The following PCDHA11 variants were observed in gnomAD, a reference collection of about 807,000 sequenced individuals.
The protein encoded by PCDHA11 is protocadherin alpha 11.
A neutral mutation model predicts 70.3 loss-of-function variants in PCDHA11; 61 were observed. The observed-to-expected ratio is 0.87, with a 90% confidence interval of 0.71 to 1.07. The LOEUF is 1.07. Ranked by LOEUF, PCDHA11 falls within the 50% of genes least tolerant of loss-of-function variation. PCDHA11 has a pLI of 0.00. For missense variants in PCDHA11, 1,324 were observed against 1,237.5 expected, an observed-to-expected ratio of 1.07 and a Z score of -1.05; for synonymous variants, 633 against 555.1, an observed-to-expected ratio of 1.14 and a Z score of -1.97.
Position 140,969,340 on chromosome 5 carries a change from G to A in PCDHA11, c.2392-9609G>A, listed in dbSNP as rs1262555926. 6 of 1,613,738 alleles carry A rather than the reference G, an allele frequency of 3.7e-6. No homozygotes were observed. The African/African-American group carries it at 5.3e-5, about 14-fold the overall frequency. On this transcript the variant is annotated intron_variant, in intron 1 of 3. Coordinates refer to ENST00000398640, the MANE Select transcript of PCDHA11 (RefSeq NM_018902.5). The stretch of plus-strand genomic sequence containing the variant: ...CTGTTTCTCAAAATGAGGTGAGACA[G>A]TGGTCAGGGGGTCTTCTACAAACTC...
At chr5:140,884,373 T>C (rs1554181483) in intron 1 of PCDHA11, 2 of 1,613,958 alleles carry the variant, frequency 1.2e-6, no homozygotes, top group South Asian at 2.2e-5. Context: ...TACTTGATCA[T>C]TGCCATCTGC....
chr5:140,968,714 G>A, intron 1 of PCDHA11: 1 of 1,614,150 alleles, frequency 6.2e-7, no homozygotes, highest in South Asian at 1.1e-5. Flanking sequence ...GAAGATGGGA[G>A]ATGAGAGTGG....
chr5:140,884,457 G>A, intron 1 of PCDHA11: 1 of 1,613,758 alleles, frequency 6.2e-7, no homozygotes, highest in Non-Finnish European at 8.5e-7. Flanking sequence ...CCCACCGAGG[G>A]CGCGTGCGCG....
At chr5:140,994,065 T>A (rs1563596985) in intron 3 of PCDHA11, among the ~76,000 whole-genome samples, 1 of 152,092 alleles carries the variant, frequency 6.6e-6, no homozygotes, top group Non-Finnish European at 1.5e-5. Context: ...ATAAATCTAA[T>A]GGTGAAGGGA....
intron 1 of PCDHA11, chr5:140,966,229 A>T (rs1027352378): frequency 1.1e-5 from 3 of 277,852 alleles, no homozygotes; most frequent in African/African-American, 6.6e-5. Context: ...ATCTCCTTAA[A>T]GACCCGTTAA....
intron 1 of PCDHA11, among the ~76,000 whole-genome samples, chr5:140,948,446 G>A (rs1445406552): frequency 6.6e-6 from 1 of 151,446 alleles, no homozygotes; most frequent in Non-Finnish European, 1.5e-5. Flanking sequence ...CTGTGCCAGG[G>A]ATTTTCTTTT....
chr5:140,873,161 C>T (rs946054760), intron 1 of PCDHA11, among the ~76,000 whole-genome samples: 11 of 152,012 alleles, frequency 7.2e-5, no homozygotes, highest in South Asian at 4.2e-4. Context: ...GACTTTAGAT[C>T]GAGAGCTTTT....
chr5:140,946,791 T>C (rs1019495660), intron 1 of PCDHA11, among the ~76,000 whole-genome samples: 4 of 151,326 alleles, frequency 2.6e-5, no homozygotes, highest in Non-Finnish European at 4.4e-5. Flanking sequence ...GCTGATCTTA[T>C]AGAAGCAGAG....
At chr5:140,933,106 C>T (rs2088855819) in intron 1 of PCDHA11, among the ~76,000 whole-genome samples, 1 of 151,884 alleles carries the variant, frequency 6.6e-6, no homozygotes. Context: ...AAAGGTTGTT[C>T]TTAAGAAACA....
chr5:140,979,391 T>C (rs1298274291), intron 2 of PCDHA11, among the ~76,000 whole-genome samples: 1 of 152,202 alleles, frequency 6.6e-6, no homozygotes, highest in Non-Finnish European at 1.5e-5. Context: ...AATGTATACA[T>C]ACATGTTGTC....
At chr5:140,935,598 G>A (rs540310470) in intron 1 of PCDHA11, among the ~76,000 whole-genome samples, 5 of 152,148 alleles carry the variant, frequency 3.3e-5, no homozygotes, top group Admixed American at 6.5e-5. Context: ...TAGATACAGA[G>A]CTAGGCTTTT....
chr5:140,870,987 C>A lies in PCDHA11; in HGVS notation c.1884C>A (p.Gly628=). The A allele has an allele frequency of 6.2e-7, 1 of 1,613,452 alleles. No individual in the cohort carries two copies. The highest frequency in any genetic ancestry group is 8.5e-7 in the Non-Finnish European group (1 of 1,179,878). The change falls in exon 1 of 4, where the codon GGC becomes GGA. Residue 628 remains glycine (G), a synonymous_variant. Transcript: ENST00000398640. ...RIPFRVGLYT[G]EISTTRALDE... ...CGTTCCGCGTGGGGCTGTACACGGG[C>A]GAGATAAGCACAACGCGTGCCCTGG...
At position 140,903,272 on chromosome 5, in the gene PCDHA11, G is replaced by A. The variant is rs907509606; in HGVS notation, c.2391+31778G>A. Among the ~76,000 whole-genome samples the A allele has an allele frequency of 2.6e-5, 4 of 152,138 alleles. No individual in the cohort carries two copies. The East Asian group carries it at 5.8e-4, about 22-fold the overall frequency. ...TAGTAATTCTTGCAGGAGTGAGGTA[G>A]TGTCTCATTGTGCATTAGGAAATTT... On this transcript the variant is annotated intron_variant, in intron 1 of 3. Transcript: ENST00000398640.
intron 3 of PCDHA11, among the ~76,000 whole-genome samples, chr5:140,986,653 A>T (rs61089397): frequency 0.012 from 1,845 of 152,236 alleles, 43 homozygotes; most frequent in African/African-American, 0.043. Context: ...AGAGTGGGAG[A>T]TGCTCACAGT....
chr5:140,875,873 G>C (rs1554168013), intron 1 of PCDHA11: 2 of 1,614,214 alleles, frequency 1.2e-6, no homozygotes, highest in South Asian at 1.1e-5. Context: ...CCGGTGTTCA[G>C]AGAAAGGGAA....
intron 1 of PCDHA11, among the ~76,000 whole-genome samples, chr5:140,896,682 C>A (rs573518532): frequency 6.6e-6 from 1 of 152,124 alleles, no homozygotes; most frequent in African/African-American, 2.4e-5. Flanking sequence ...CGGCCCTTTG[C>A]CCATTTTTTG....
chr5:140,985,226 C>T (rs1319001576), intron 3 of PCDHA11, among the ~76,000 whole-genome samples: 6 of 152,126 alleles, frequency 3.9e-5, no homozygotes, highest in Admixed American at 6.5e-5. Flanking sequence ...CGTGAGCCAC[C>T]GCGCCTGGCC....
chr5:140,876,312 G>C (rs557901977), intron 1 of PCDHA11: 1 of 1,614,036 alleles, frequency 6.2e-7, no homozygotes. Context: ...TTTCCTATGG[G>C]ATCAAAATGA....
chr5:140,907,782 G>A (rs1285928394), intron 1 of PCDHA11, among the ~76,000 whole-genome samples: 1 of 152,158 alleles, frequency 6.6e-6, no homozygotes, highest in African/African-American at 2.4e-5. Flanking sequence ...AGGGGTGGCT[G>A]GGGAAAGAGG....
Sources: gnomAD v4.1 joint callset for allele counts (sites outside exome capture counted in the v4.1 genomes callset) on GRCh38, gnomAD v4.1.1 for gene constraint, MANE v1.5 for transcripts, NCBI Gene and HGNC (gene_info 2026-07-23, HGNC 2026-07-21) for gene names.